Variants in CREB5 observed in about 807,000 individuals in gnomAD.
CREB5 encodes cyclic AMP-responsive element-binding protein 5.
A neutral mutation model predicts 57.1 loss-of-function variants in CREB5; 19 were observed. That is an observed-to-expected ratio of 0.33 (90% confidence interval 0.23 to 0.49). The LOEUF (loss-of-function observed/expected upper bound fraction) is 0.49, where lower values mean the gene tolerates loss of function less well. Ranked by LOEUF, CREB5 falls within the 20% of genes least tolerant of loss-of-function variation. The probability of loss-of-function intolerance (pLI) is 0.99; values close to 1 mark genes in which losing one functional copy is unlikely to be tolerated. For synonymous variants in CREB5, 238 were observed against 238.3 expected, an observed-to-expected ratio of 1.00 and a Z score of 0.01; for missense variants, 579 against 671.6, an observed-to-expected ratio of 0.86 and a Z score of 1.52.
At chr7:28,563,915 A>G (rs1583636276) in intron 4 of CREB5, among the ~76,000 whole-genome samples, 1 of 151,968 alleles carries the variant, frequency 6.6e-6, no homozygotes, top group Non-Finnish European at 1.5e-5. Flanking sequence ...GTCCTCTGAT[A>G]CCTCACTACC....
At chr7:28,773,731 CT>C (rs1806467192) in intron 7 of CREB5, among the ~76,000 whole-genome samples, 1 of 152,214 alleles carries the variant, frequency 6.6e-6, no homozygotes, top group Admixed American at 6.5e-5. Flanking sequence ...ATTGTCACCC[CT>C]GTCCACTGAG....
chr7:28,608,017 G>A (rs1222395564), intron 5 of CREB5, among the ~76,000 whole-genome samples: 3 of 151,378 alleles, frequency 2.0e-5, no homozygotes, highest in African/African-American at 7.3e-5. Flanking sequence ...TTTATTAATC[G>A]TGGCATCAGG....
chr7:28,318,269 T>A (rs1023108942), intron 1 of CREB5, among the ~76,000 whole-genome samples: 1 of 152,202 alleles, frequency 6.6e-6, no homozygotes, highest in Non-Finnish European at 1.5e-5. Context: ...GATACATGAA[T>A]GTTGTATTAT....
intron 1 of CREB5, among the ~76,000 whole-genome samples, chr7:28,436,849 A>T (rs1788983845): frequency 6.6e-6 from 1 of 152,136 alleles, no homozygotes; most frequent in South Asian, 2.1e-4. Context: ...GGATAATGGG[A>T]TGTGGGGGGA....
rs545358854 is a variant in CREB5 at position 28,803,498 on chromosome 7, C to T, written c.703-701C>T. On this transcript the variant is annotated intron_variant, in intron 7 of 10. Coordinates refer to ENST00000357727, the MANE Select transcript of CREB5 (RefSeq NM_182898.4). ...GGCTGGCCGGGCACGGTGGCTCACG[C>T]CTGTAATCCCAGCACTTTAGGAGGC... 1.8e-4 allele frequency among the ~76,000 whole-genome samples: 28 copies of T among 152,268 alleles called. 1 individual carries two copies. Among genetic ancestry groups the T allele is most frequent in the Middle Eastern group, 3.4e-3 (1 of 294 alleles).
chr7:28,384,621 T>C (rs998320367), intron 1 of CREB5, among the ~76,000 whole-genome samples: 3 of 152,022 alleles, frequency 2.0e-5, no homozygotes, highest in Non-Finnish European at 4.4e-5. Context: ...ATTATTTGTT[T>C]AATGTCTTGG....
chr7:28,522,711 T>C (rs1793262597), intron 4 of CREB5, among the ~76,000 whole-genome samples: 1 of 152,208 alleles, frequency 6.6e-6, no homozygotes, highest in Non-Finnish European at 1.5e-5. Flanking sequence ...ACCTTGTCTT[T>C]TAAAAGTCCT....
chr7:28,726,491 A>G (rs1226964148), intron 7 of CREB5, among the ~76,000 whole-genome samples: 3 of 152,168 alleles, frequency 2.0e-5, no homozygotes, highest in Non-Finnish European at 1.5e-5. Context: ...TGGGCTGCTC[A>G]GATGAAAAGC....
At chr7:28,654,943 C>T (rs1799279056) in intron 5 of CREB5, among the ~76,000 whole-genome samples, 1 of 152,146 alleles carries the variant, frequency 6.6e-6, no homozygotes, top group Admixed American at 6.5e-5. Context: ...CAGGGTCTGA[C>T]TCCATCACCC....
intron 1 of CREB5, among the ~76,000 whole-genome samples, chr7:28,334,015 G>A (rs1033398101): frequency 6.6e-6 from 1 of 152,130 alleles, no homozygotes; most frequent in African/African-American, 2.4e-5. Flanking sequence ...TCCCACCAAC[G>A]GTGTTTCCTT....
intron 5 of CREB5, among the ~76,000 whole-genome samples, chr7:28,609,916 G>A (rs1343538483): frequency 1.3e-5 from 2 of 152,246 alleles, no homozygotes; most frequent in African/African-American, 4.8e-5. Flanking sequence ...TTACTATTGT[G>A]AGGAGGACTT....
chr7:28,512,136 G>A (rs890276414), intron 4 of CREB5, among the ~76,000 whole-genome samples: 1 of 152,124 alleles, frequency 6.6e-6, no homozygotes, highest in Non-Finnish European at 1.5e-5. Flanking sequence ...GGAAAATTGG[G>A]GGTTTCTTTT....
intron 8 of CREB5, among the ~76,000 whole-genome samples, chr7:28,807,142 A>G (rs1392083576): frequency 6.6e-6 from 1 of 152,166 alleles, no homozygotes; most frequent in Non-Finnish European, 1.5e-5. Context: ...CCAACAAACA[A>G]ACAGTTCTAG....
chr7:28,569,521 T>C (rs754174289), intron 4 of CREB5, among the ~76,000 whole-genome samples: 3 of 152,220 alleles, frequency 2.0e-5, no homozygotes, highest in Non-Finnish European at 4.4e-5. Flanking sequence ...CAGAAATAAA[T>C]ACATGATATT....
In CREB5 at chr7:28,445,738, A is replaced by G. The variant is rs538869978; in HGVS notation, c.3+32821A>G. Among the ~76,000 whole-genome samples, 211 of 151,742 alleles carry G rather than the reference A, an allele frequency of 1.4e-3. 2 individuals are homozygous for G. The highest frequency in any genetic ancestry group is 4.9e-3 in the African/African-American group (203 of 41,352). ...GGCTAATTTTTTGTATTTTTAGTTG[A>G]GATGGGGTTTCACTGTGTTAGCCAG... On this transcript the variant is annotated intron_variant, in intron 1 of 10. Coordinates refer to ENST00000357727, the MANE Select transcript of CREB5 (RefSeq NM_182898.4).
chr7:28,548,255 A>G (rs1210415243), intron 4 of CREB5, among the ~76,000 whole-genome samples: 1 of 152,088 alleles, frequency 6.6e-6, no homozygotes, highest in Non-Finnish European at 1.5e-5. Flanking sequence ...CATCTCCTCT[A>G]TCACTTTTTA....
chr7:28,520,881 G>A (rs1793177277), intron 4 of CREB5, among the ~76,000 whole-genome samples: 1 of 152,246 alleles, frequency 6.6e-6, no homozygotes, highest in Non-Finnish European at 1.5e-5. Context: ...CTTAATCACA[G>A]CTGATAAATC....
At position 28,693,765 on chromosome 7, in the gene CREB5, A is replaced by C. The variant is rs866894452; in HGVS notation, c.465-24988A>C. On this transcript the variant is annotated intron_variant, in intron 5 of 10. Transcript: ENST00000357727. ...AATGGAATTCATAAGAGCATAATAC[A>C]CTTAGCATAGTAAGTGCTCAGCAAA... 3.9e-5 allele frequency among the ~76,000 whole-genome samples: 6 copies of C among 152,340 alleles called. No individual in the cohort carries two copies. In the Middle Eastern group the frequency reaches 0.02, roughly 518 times the overall value.
chr7:28,618,548 T>C (rs1322480142), intron 5 of CREB5, among the ~76,000 whole-genome samples: 1 of 152,178 alleles, frequency 6.6e-6, no homozygotes, highest in Admixed American at 6.5e-5. Context: ...TTTTCAGGGC[T>C]CCAGGCTGCC....
Sources: gnomAD v4.1 joint callset for allele counts (sites outside exome capture counted in the v4.1 genomes callset) on GRCh38, gnomAD v4.1.1 for gene constraint, MANE v1.5 for transcripts, NCBI Gene and HGNC (gene_info 2026-07-23, HGNC 2026-07-21) for gene names.